Variants in C3orf33 observed in about 807,000 individuals in gnomAD.
C3orf33 encodes AP-1 activity suppressor.
Under a neutral mutation model 28.7 loss-of-function variants are expected in C3orf33, and 23 were observed. The ratio of observed to expected loss-of-function variants is 0.80; its 90% CI spans 0.58 to 1.13. The LOEUF (loss-of-function observed/expected upper bound fraction) is 1.13, where lower values mean the gene tolerates loss of function less well. C3orf33 is among the 50% of genes most tolerant of loss of function. C3orf33 has a pLI of 0.00. For missense variants in C3orf33, 327 were observed against 353.4 expected, an observed-to-expected ratio of 0.93 and a Z score of 0.60; for synonymous variants, 119 against 120.5, an observed-to-expected ratio of 0.99 and a Z score of 0.08.
rs10654812 is a variant in C3orf33, at chr3:155,776,759, C to CAAAAA, written c.175-916_175-912dup. 5.9e-3 allele frequency among the ~76,000 whole-genome samples: 510 copies of CAAAAA among 86,816 alleles called. 38 individuals are homozygous for CAAAAA. Among genetic ancestry groups the CAAAAA allele is most frequent in the African/African-American group, 0.019 (465 of 23,854 alleles). The allele number at this position is 86,816 out of a possible 152,430, so 57.0% of individuals were successfully genotyped here. On this transcript the variant is annotated intron_variant, in intron 2 of 4. Transcript: ENST00000340171. ...TGACAGAGCGAGAACCTGACTCTGT[C>CAAAAA]AAAAAAAAAAAAAAAAAAAAAAAAA...
intron 2 of C3orf33, among the ~76,000 whole-genome samples, chr3:155,793,919 A>T (rs1421078092): frequency 6.6e-6 from 1 of 151,944 alleles, no homozygotes; most frequent in Non-Finnish European, 1.5e-5. Flanking sequence ...AGTCAGAGAC[A>T]AAGTATAGAG....
At chr3:155,782,376 T>A (rs1577423626) in intron 2 of C3orf33, among the ~76,000 whole-genome samples, 1 of 149,358 alleles carries the variant, frequency 6.7e-6, no homozygotes, top group Non-Finnish European at 1.5e-5. Flanking sequence ...CCAAGTTTGA[T>A]GAAACAGACA....
At chr3:155,798,679 A>G (rs1248278647) in intron 2 of C3orf33, among the ~76,000 whole-genome samples, 1 of 152,190 alleles carries the variant, frequency 6.6e-6, no homozygotes, top group Non-Finnish European at 1.5e-5. Context: ...ACAAGAAAAC[A>G]TTGGGGAAAC....
At chr3:155,791,440 AAGG>A (rs1252600276) in intron 2 of C3orf33, among the ~76,000 whole-genome samples, 1 of 152,128 alleles carries the variant, frequency 6.6e-6, no homozygotes, top group Non-Finnish European at 1.5e-5. Context: ...TACTTGAGAA[AAGG>A]AGGAGGAAGA....
intron 3 of C3orf33, among the ~76,000 whole-genome samples, chr3:155,769,787 C>T (rs1750527235): frequency 6.6e-6 from 1 of 152,136 alleles, no homozygotes; most frequent in Non-Finnish European, 1.5e-5. Flanking sequence ...ACCTGACCTT[C>T]AAACCAAAGA....
intron 2 of C3orf33, among the ~76,000 whole-genome samples, chr3:155,791,785 C>T (rs905869418): frequency 6.6e-6 from 1 of 151,786 alleles, no homozygotes; most frequent in African/African-American, 2.4e-5. Context: ...TGTCTTGTGG[C>T]TTAGGTCCCA....
In C3orf33 at chr3:155,763,641, T is replaced by C; in HGVS notation, c.761A>G (p.Lys254Arg). 1.3e-6 allele frequency: 2 copies of C among 1,596,942 alleles called. No individual in the cohort carries two copies. Among genetic ancestry groups the C allele is most frequent in the Non-Finnish European group, 1.7e-6 (2 of 1,175,866 alleles). ...TTTAAGTTTTTCATAATAACTTTCT[T>C]TTTTCAAGCTGAAATCTGATCCTGT... ...KTTGSDFSLK[K>R]ESYYEKLKRT... Residue 254 changes from lysine (K) to arginine (R), a missense_variant, in exon 5 of 5, where the codon AAA becomes AGA. Physicochemically the swap from Lys to Arg is conservative, Grantham distance 26. Transcript: ENST00000340171.
intron 3 of C3orf33, among the ~76,000 whole-genome samples, chr3:155,774,717 T>C (rs1359978629): frequency 2.0e-5 from 3 of 150,228 alleles, no homozygotes; most frequent in East Asian, 3.9e-4. Flanking sequence ...GTGTATTTAA[T>C]GTGTGGCCCA....
chr3:155,805,158 T>TAAAA lies in C3orf33; in HGVS notation c.114+977_114+980dup, dbSNP rs57906262. 1.5e-3 allele frequency among the ~76,000 whole-genome samples: 209 copies of TAAAA among 141,734 alleles called. 2 individuals carry two copies. Among genetic ancestry groups the TAAAA allele is most frequent in the Middle Eastern group, 3.8e-3 (1 of 264 alleles). 93.0% of individuals were successfully genotyped at this position (141,734 alleles called of 152,430 possible). On this transcript the variant is annotated intron_variant, in intron 1 of 4. Transcript: ENST00000340171. ...AACTCCAGAGGCTTAGTGCTTCACT[T>TAAAA]AAAAAAAAAAAAAAAAAAAAAGGCA...
chr3:155,801,576 T>C (rs1217158155), intron 2 of C3orf33, among the ~76,000 whole-genome samples: 1 of 151,902 alleles, frequency 6.6e-6, no homozygotes, highest in Non-Finnish European at 1.5e-5. Flanking sequence ...TGCAACAACA[T>C]GGATGAATCT....
At chr3:155,793,809 C>CAAAAAAAAAAAAAAA (rs1176317323) in intron 2 of C3orf33, among the ~76,000 whole-genome samples, 2 of 37,434 alleles carry the variant, frequency 5.3e-5, no homozygotes, top group African/African-American at 7.2e-5. Context: ...GACTCTGACT[C>CAAAAAAAAAAAAAAA]AAAAAAAAAA....
At chr3:155,798,584 T>C (rs1397130188) in intron 2 of C3orf33, among the ~76,000 whole-genome samples, 1 of 152,118 alleles carries the variant, frequency 6.6e-6, no homozygotes, top group African/African-American at 2.4e-5. Flanking sequence ...AGAATGAAGC[T>C]AGACCTCTCT....
chr3:155,801,298 G>A (rs945065744), intron 2 of C3orf33, among the ~76,000 whole-genome samples: 2 of 130,050 alleles, frequency 1.5e-5, no homozygotes, highest in Non-Finnish European at 3.2e-5. Flanking sequence ...GCGACAGAGT[G>A]AGACTCTGTC....
At chr3:155,773,375 A>G (rs762032840) in intron 3 of C3orf33, among the ~76,000 whole-genome samples, 1 of 152,232 alleles carries the variant, frequency 6.6e-6, no homozygotes, top group Admixed American at 6.5e-5. Flanking sequence ...GTTGAGAGGT[A>G]TAAGACATTT....
chr3:155,789,530 G>T (rs1751247365), intron 2 of C3orf33, among the ~76,000 whole-genome samples: 1 of 151,998 alleles, frequency 6.6e-6, no homozygotes, highest in Non-Finnish European at 1.5e-5. Flanking sequence ...TTGTTTAAAT[G>T]TCAATATTAC....
intron 2 of C3orf33, among the ~76,000 whole-genome samples, chr3:155,783,742 C>T (rs1255428813): frequency 6.6e-6 from 1 of 152,204 alleles, no homozygotes; most frequent in Non-Finnish European, 1.5e-5. Context: ...GCTAGCATTA[C>T]AGGCATAAGC....
chr3:155,770,962 CTGTGTG>C (rs3068982), intron 3 of C3orf33, among the ~76,000 whole-genome samples: 5 of 129,924 alleles, frequency 3.8e-5, no homozygotes, highest in East Asian at 2.3e-4. Context: ...GCATGAACCA[CTGTGTG>C]TGTGTGTGTG....
intron 3 of C3orf33, among the ~76,000 whole-genome samples, chr3:155,769,870 AT>A (rs1380949236): frequency 6.6e-6 from 1 of 152,180 alleles, no homozygotes; most frequent in Non-Finnish European, 1.5e-5. Flanking sequence ...CTCTCTTCTT[AT>A]TTGGTGCTCT....
chr3:155,775,622 T>A, intron 3 of C3orf33, 79 bp downstream of exon 3: 1 of 1,036,258 alleles, frequency 9.7e-7, no homozygotes, highest in South Asian at 2.1e-5. Context: ...TAAAATGACT[T>A]TTTTTTGCTA....
Sources: gnomAD v4.1 joint callset for allele counts (sites outside exome capture counted in the v4.1 genomes callset) on GRCh38, gnomAD v4.1.1 for gene constraint, MANE v1.5 for transcripts, NCBI Gene and HGNC (gene_info 2026-07-23, HGNC 2026-07-21) for gene names.